CSMD2: variants seen among roughly 807,000 people sequenced by gnomAD.
The protein encoded by CSMD2 is CUB and Sushi multiple domains 2.
In CSMD2, 130 loss-of-function variants were observed where a neutral mutation model predicts 398.5. The ratio of observed to expected loss-of-function variants is 0.33; its 90% CI spans 0.28 to 0.38. The LOEUF (loss-of-function observed/expected upper bound fraction) is 0.38, where lower values mean the gene tolerates loss of function less well. Among genes scored for constraint, CSMD2 ranks in the 10% least tolerant of loss-of-function variants. The pLI is 1.00. For missense variants in CSMD2, 3,829 were observed against 4,764.9 expected, an observed-to-expected ratio of 0.80 and a Z score of 5.78; for synonymous variants, 1,828 against 1,908.5, an observed-to-expected ratio of 0.96 and a Z score of 1.10.
chr1:33,698,020 T>C (rs1045261912), intron 24 of CSMD2, among the ~76,000 whole-genome samples: 1 of 152,144 alleles, frequency 6.6e-6, no homozygotes, highest in African/African-American at 2.4e-5. Flanking sequence ...GATCTGGTTT[T>C]GGAAAGGTAG....
chr1:33,592,710 G>GT lies in CSMD2; in HGVS notation c.6857-5543_6857-5542insA, dbSNP rs879089916. Among the ~76,000 whole-genome samples, 8 of 152,250 alleles carry GT rather than the reference G, an allele frequency of 5.3e-5. No homozygotes were observed. In the South Asian group the frequency reaches 1.7e-3, roughly 32 times the overall value. On this transcript the variant is annotated intron_variant, in intron 44 of 70. Transcript: ENST00000373381. ...CACACCTATAATCCCAGCAGTTTTG[G>GT]AGGCCGAGGTGGGCGGATCACAAGG... is the stretch of plus-strand genomic sequence containing the variant.
At chr1:34,126,863 G>A (rs1369810793) in intron 1 of CSMD2, among the ~76,000 whole-genome samples, 1 of 151,854 alleles carries the variant, frequency 6.6e-6, no homozygotes, top group Non-Finnish European at 1.5e-5. Flanking sequence ...TAGGGACACA[G>A]AGACAGGACC....
chr1:34,094,204 A>AGAGAGATTTTGTCTT (rs1296633139), intron 1 of CSMD2, among the ~76,000 whole-genome samples: 6 of 151,470 alleles, frequency 4.0e-5, no homozygotes, highest in African/African-American at 1.5e-4. Context: ...AGACAAGCAA[A>AGAGAGATTTTGTCTT]TGCTGAGAGA....
At chr1:33,901,990 C>G (rs186399569) in intron 5 of CSMD2, among the ~76,000 whole-genome samples, 4 of 151,878 alleles carry the variant, frequency 2.6e-5, no homozygotes, top group Admixed American at 2.6e-4. Flanking sequence ...AACTCTTAAA[C>G]TTAAATCTAT....
intron 3 of CSMD2, among the ~76,000 whole-genome samples, chr1:34,006,019 C>T (rs1487217115): frequency 6.6e-6 from 1 of 152,170 alleles, no homozygotes; most frequent in African/African-American, 2.4e-5. Context: ...GTGGTCTGAA[C>T]ACATGGTTTT....
Position 33,583,843 on chromosome 1 carries a change from A to G in CSMD2, c.7052-13T>C, listed in dbSNP as rs767621912. 1.2e-6 allele frequency: 2 copies of G among 1,610,320 alleles called. No individual in the cohort carries two copies. Among genetic ancestry groups the G allele is most frequent in the Non-Finnish European group, 1.7e-6 (2 of 1,177,656 alleles). ...GTTGGACAGTGCACTTGGAGAAAGA[A>G]AGAGAAACACCAAGTACGTGGGGGT... On this transcript the variant is annotated splice_polypyrimidine_tract_variant and intron_variant, in intron 46 of 70. Coordinates refer to ENST00000373381, the MANE Select transcript of CSMD2 (RefSeq NM_001281956.2).
intron 7 of CSMD2, among the ~76,000 whole-genome samples, chr1:33,823,111 C>G (rs1056186291): frequency 6.6e-6 from 1 of 152,168 alleles, no homozygotes; most frequent in African/African-American, 2.4e-5. Context: ...GAGACCATGG[C>G]AAAGCCCACC....
At chr1:33,743,634 T>G in intron 13 of CSMD2, 28 bp from the exon 14 acceptor site, 2 of 1,506,328 alleles carry the variant, frequency 1.3e-6, no homozygotes, top group Non-Finnish European at 1.8e-6. Context: ...TGGAGGTCAG[T>G]AAGCATCCCC....
intron 3 of CSMD2, among the ~76,000 whole-genome samples, chr1:34,028,407 T>C (rs552087265): frequency 6.4e-4 from 97 of 152,306 alleles, no homozygotes; most frequent in African/African-American, 2.1e-3. Context: ...TAATTTAAAA[T>C]TCAGATTAAC....
At chr1:33,716,564 G>T in intron 19 of CSMD2, 63 bp from the exon 20 acceptor site, 1 of 1,079,220 alleles carries the variant, frequency 9.3e-7, no homozygotes, top group Non-Finnish European at 1.3e-6. Context: ...TCAGCTGCAA[G>T]ACAGGATCTA....
chr1:34,156,348 C>T (rs1640804310), intron 1 of CSMD2, among the ~76,000 whole-genome samples: 1 of 152,098 alleles, frequency 6.6e-6, no homozygotes, highest in Admixed American at 6.6e-5. Flanking sequence ...GAAGACAAAC[C>T]TCCCGAGGCC....
chr1:33,943,378 C>T (rs1644737691), intron 3 of CSMD2, among the ~76,000 whole-genome samples: 1 of 152,162 alleles, frequency 6.6e-6, no homozygotes. Flanking sequence ...ACTTAAATGT[C>T]ACCTCCTCCG....
intron 24 of CSMD2, among the ~76,000 whole-genome samples, chr1:33,694,694 G>T (rs1645358882): frequency 6.6e-6 from 1 of 152,142 alleles, no homozygotes; most frequent in Non-Finnish European, 1.5e-5. Flanking sequence ...AAATTACCTA[G>T]TCTCAGGTAG....
At chr1:33,523,882 G>A (rs1286914824) in intron 66 of CSMD2, among the ~76,000 whole-genome samples, 2 of 151,996 alleles carry the variant, frequency 1.3e-5, no homozygotes, top group East Asian at 1.9e-4. Context: ...TTTTATGTGG[G>A]GTTGTGCATT....
At position 33,515,706 on chromosome 1, in the gene CSMD2, T is replaced by C. The variant is rs144265114; in HGVS notation, c.*918A>G. The C allele has an allele frequency of 1.6e-4, 24 of 152,314 alleles. No homozygotes were observed. Among genetic ancestry groups the C allele is most frequent in the African/African-American group, 5.8e-4 (24 of 41,562 alleles). 9.4% of individuals were successfully genotyped at this position (152,314 alleles called of 1,614,324 possible). A position where few individuals can be genotyped will look rare whatever the true frequency, so the allele number is the denominator to read the frequency against. On this transcript the variant is annotated 3_prime_UTR_variant, in exon 71 of 71. Transcript: ENST00000373381. ...TTTTTGGGTACTGGGGCAGGCTTGC[T>C]CCCCTGTTCTCTCAAGGACCCTGCT...
At chr1:33,889,157 T>C (rs1209909099) in intron 5 of CSMD2, among the ~76,000 whole-genome samples, 1 of 152,214 alleles carries the variant, frequency 6.6e-6, no homozygotes. Context: ...TGCTACTGAT[T>C]GATAAAACCT....
intron 1 of CSMD2, among the ~76,000 whole-genome samples, chr1:34,158,121 G>C (rs1640971509): frequency 6.6e-6 from 1 of 152,052 alleles, no homozygotes; most frequent in Admixed American, 6.6e-5. Flanking sequence ...AGTTTCCTTT[G>C]TTTCTCTTAA....
chr1:34,112,048 A>G (rs1210462298), intron 1 of CSMD2, among the ~76,000 whole-genome samples: 1 of 151,860 alleles, frequency 6.6e-6, no homozygotes, highest in Non-Finnish European at 1.5e-5. Flanking sequence ...CGCAGTTTGA[A>G]TGAACTGAGG....
At chr1:33,918,051 T>G in intron 5 of CSMD2, 43 bp downstream of exon 5, 2 of 1,569,316 alleles carry the variant, frequency 1.3e-6, no homozygotes, top group Non-Finnish European at 1.7e-6. Context: ...TAATTCACAG[T>G]TGCAGAGAAT....
Sources: gnomAD v4.1 joint callset for allele counts (sites outside exome capture counted in the v4.1 genomes callset) on GRCh38, gnomAD v4.1.1 for gene constraint, MANE v1.5 for transcripts, NCBI Gene and HGNC (gene_info 2026-07-23, HGNC 2026-07-21) for gene names.